Variants in RBFOX1 observed in about 807,000 individuals in gnomAD.
RBFOX1 encodes the protein RNA binding fox-1 homolog 1.
A neutral mutation model predicts 57.7 loss-of-function variants in RBFOX1; 8 were observed. That is an observed-to-expected ratio of 0.14 (90% CI 0.08 to 0.25). RBFOX1 has a LOEUF of 0.25. RBFOX1 is among the 10% of genes least tolerant of loss of function. The pLI is 1.00. For synonymous variants in RBFOX1, 326 were observed against 222.4 expected (o/e 1.47, Z -4.15); for missense variants, 611 against 548.5 (o/e 1.11, Z -1.14).
intron 1 of RBFOX1, among the ~76,000 whole-genome samples, chr16:6,130,166 G>C (rs1597593513): frequency 1.3e-5 from 2 of 152,074 alleles, no homozygotes; most frequent in South Asian, 4.1e-4. Context: ...ATTTATTTGG[G>C]GAAAACAGAT....
chr16:7,283,380 A>G (rs1307500826), intron 4 of RBFOX1, among the ~76,000 whole-genome samples: 1 of 152,050 alleles, frequency 6.6e-6, no homozygotes, highest in East Asian at 1.9e-4. Flanking sequence ...ACCAGCATGG[A>G]TCAGTGTCCA....
chr16:6,773,883 T>C (rs1228703997), intron 3 of RBFOX1: 1 of 891,738 alleles, frequency 1.1e-6, no homozygotes, highest in Non-Finnish European at 1.3e-6. Context: ...TTTGTCTGTG[T>C]GTATTTGTGT....
chr16:7,567,338 C>CATAT, intron 5 of RBFOX1, among the ~76,000 whole-genome samples: 1 of 15,258 alleles, frequency 6.6e-5, no homozygotes, highest in South Asian at 9.2e-4. Flanking sequence ...TATATATGGC[C>CATAT]CTATATATAT....
At chr16:6,995,946 G>A (rs540902135) in intron 3 of RBFOX1, among the ~76,000 whole-genome samples, 1 of 152,110 alleles carries the variant, frequency 6.6e-6, no homozygotes. Flanking sequence ...CAGTTCCTTT[G>A]AGTCTGAAAC....
At chr16:5,461,099 G>C (rs1419608620) in intron 1 of RBFOX1, among the ~76,000 whole-genome samples, 1 of 152,166 alleles carries the variant, frequency 6.6e-6, no homozygotes, top group Non-Finnish European at 1.5e-5. Context: ...TTCTTGGTGT[G>C]CCTTCTATGA....
intron 1 of RBFOX1, among the ~76,000 whole-genome samples, chr16:5,268,489 C>G (rs1332566760): frequency 6.6e-6 from 1 of 152,146 alleles, no homozygotes; most frequent in Non-Finnish European, 1.5e-5. Flanking sequence ...GTGCAAATCC[C>G]CTCATCATTC....
chr16:5,374,775 G>C (rs1223981206), intron 1 of RBFOX1, among the ~76,000 whole-genome samples: 2 of 150,706 alleles, frequency 1.3e-5, no homozygotes, highest in African/African-American at 2.4e-5. Context: ...TTCATGATGT[G>C]TGAAAACGAT....
intron 4 of RBFOX1, among the ~76,000 whole-genome samples, chr16:7,479,610 A>G (rs949386142): frequency 2.6e-4 from 40 of 152,116 alleles, no homozygotes; most frequent in Admixed American, 3.3e-4. Context: ...TGTGCATCTC[A>G]CCACAGCTCA....
intron 4 of RBFOX1, among the ~76,000 whole-genome samples, chr16:5,993,407 G>GAGAGGC (rs2060439293): frequency 6.6e-6 from 1 of 151,314 alleles, no homozygotes; most frequent in Admixed American, 6.6e-5. Context: ...GACAGAGAGA[G>GAGAGGC]AGAGAGAGAG....
chr16:5,387,897 G>A (rs1457536989), intron 1 of RBFOX1, among the ~76,000 whole-genome samples: 1 of 152,230 alleles, frequency 6.6e-6, no homozygotes, highest in East Asian at 1.9e-4. Flanking sequence ...GAGGCAGACA[G>A]CAGGCTCAGA....
chr16:6,362,287 C>G (rs753310136), intron 2 of RBFOX1, among the ~76,000 whole-genome samples: 1 of 152,034 alleles, frequency 6.6e-6, no homozygotes, highest in Non-Finnish European at 1.5e-5. Flanking sequence ...TCTAAGTACT[C>G]TTCACCTTCA....
chr16:6,987,297 G>A (rs1485386777), intron 3 of RBFOX1, among the ~76,000 whole-genome samples: 4 of 152,078 alleles, frequency 2.6e-5, no homozygotes, highest in Non-Finnish European at 5.9e-5. Flanking sequence ...GGATCATCTG[G>A]TTCAGTCCCT....
At chr16:5,599,906 C>G (rs1351605141) in exon 3 of RBFOX1, 2 of 152,220 alleles carry the variant, frequency 1.3e-5, no homozygotes, top group African/African-American at 4.8e-5. Flanking sequence ...ATGGATCACA[C>G]CTATAATCCC....
rs189141398 is a variant in RBFOX1, at chr16:5,252,659, T to C, written c.219+12554T>C. 2.9e-3 allele frequency among the ~76,000 whole-genome samples: 437 copies of C among 152,326 alleles called. 1 individual carries two copies. The highest frequency in any genetic ancestry group is 6.3e-3 in the Admixed American group (97 of 15,302). On this transcript the variant is annotated intron_variant, in intron 1 of 2. Transcript: ENST00000585867. ...CTGCTCCTGTCTTCTTCACGGGGGA[T>C]GACTTCCCTGCCATCTCTCTCCAAA...
chr16:7,689,492 C>A (rs1399507332), intron 14 of RBFOX1, among the ~76,000 whole-genome samples: 1 of 152,084 alleles, frequency 6.6e-6, no homozygotes, highest in Admixed American at 6.6e-5. Context: ...GATCAACAGG[C>A]AGGCCTGAGT....
intron 4 of RBFOX1, among the ~76,000 whole-genome samples, chr16:7,479,662 A>T (rs2151175104): frequency 6.6e-6 from 1 of 152,140 alleles, no homozygotes; most frequent in South Asian, 2.1e-4. Context: ...GTTCCACTTC[A>T]AGTCTAGCCC....
At chr16:5,763,081 A>C (rs146041945) in intron 3 of RBFOX1, among the ~76,000 whole-genome samples, 1 of 152,304 alleles carries the variant, frequency 6.6e-6, no homozygotes, top group African/African-American at 2.4e-5. Context: ...TTGTTAGGAT[A>C]GGGGTGGGTG....
At chr16:5,851,049 C>A (rs953429220) in intron 3 of RBFOX1, among the ~76,000 whole-genome samples, 1 of 152,160 alleles carries the variant, frequency 6.6e-6, no homozygotes, top group Non-Finnish European at 1.5e-5. Context: ...TGGGAGTGCA[C>A]CCCCCAAACG....
chr16:7,683,922 T>A (rs2075480532), intron 14 of RBFOX1, among the ~76,000 whole-genome samples: 1 of 152,176 alleles, frequency 6.6e-6, no homozygotes, highest in Non-Finnish European at 1.5e-5. Flanking sequence ...CATTTGTGGA[T>A]GTGGCAATAA....
Sources: gnomAD v4.1 joint callset for allele counts (sites outside exome capture counted in the v4.1 genomes callset) on GRCh38, gnomAD v4.1.1 for gene constraint, MANE v1.5 for transcripts, NCBI Gene and HGNC (gene_info 2026-07-23, HGNC 2026-07-21) for gene names.